PHF21A: variants seen among roughly 807,000 people sequenced by gnomAD.
PHF21A encodes BHC80a.
In PHF21A, 11 loss-of-function variants were observed where a neutral mutation model predicts 82.5. The observed-to-expected ratio is 0.13, with a 90% CI of 0.08 to 0.22. The LOEUF (loss-of-function observed/expected upper bound fraction) is 0.22. Among genes scored for constraint, PHF21A ranks in the 10% least tolerant of loss-of-function variants. The probability of loss-of-function intolerance (pLI) is 1.00; values close to 1 mark genes in which losing one functional copy is unlikely to be tolerated. For missense variants in PHF21A, 579 were observed against 837.8 expected, an observed-to-expected ratio of 0.69 and a Z score of 3.81; for synonymous variants, 297 against 302.8, an observed-to-expected ratio of 0.98 and a Z score of 0.20.
rs570513181 is a variant in PHF21A at position 46,060,454 on chromosome 11, T to C, written c.153+16300A>G. Among the ~76,000 whole-genome samples, 8 of 152,274 alleles carry C rather than the reference T, an allele frequency of 5.3e-5. No homozygotes were observed. In the South Asian group the frequency reaches 1.7e-3, roughly 32 times the overall value. ...CTTAGCACATACTCATATAAAATTA[T>C]GTTATATTATATAAAATAATATTTT... On this transcript the variant is annotated intron_variant, in intron 6 of 18. Coordinates refer to ENST00000676320, the MANE Select transcript of PHF21A (RefSeq NM_001352027.3).
chr11:46,046,495 A>C (rs1443674039), intron 6 of PHF21A, among the ~76,000 whole-genome samples: 1 of 152,190 alleles, frequency 6.6e-6, no homozygotes, highest in Non-Finnish European at 1.5e-5. Context: ...GCAAGAGAAA[A>C]GCCAGGATTT....
intron 6 of PHF21A, among the ~76,000 whole-genome samples, chr11:46,008,271 T>TCA (rs2095340624): frequency 1.3e-5 from 2 of 152,206 alleles, no homozygotes; most frequent in Non-Finnish European, 2.9e-5. Context: ...TGTGAGGTCT[T>TCA]CAATTGAAAT....
At chr11:45,958,185 T>G (rs1202557366) in intron 10 of PHF21A, among the ~76,000 whole-genome samples, 2 of 151,008 alleles carry the variant, frequency 1.3e-5, no homozygotes, top group African/African-American at 4.9e-5. Flanking sequence ...TACCAAACAT[T>G]TAAAGAATTA....
At chr11:45,965,874 C>T (rs1227683116) in intron 9 of PHF21A, among the ~76,000 whole-genome samples, 1 of 152,104 alleles carries the variant, frequency 6.6e-6, no homozygotes, top group African/African-American at 2.4e-5. Context: ...TAGCTGAGGT[C>T]AAAGGCCTAA....
Position 45,971,890 on chromosome 11 carries a change from C to CTTTCTTTTTTTTTTTT in PHF21A, c.361-524_361-523insAAAAAAAAAAAAGAAA, listed in dbSNP as rs57081937. Among the ~76,000 whole-genome samples the CTTTCTTTTTTTTTTTT allele has an allele frequency of 6.4e-4, 32 of 50,302 alleles. 12 individuals carry two copies. Among genetic ancestry groups the CTTTCTTTTTTTTTTTT allele is most frequent in the Non-Finnish European group, 1.0e-3 (27 of 25,834 alleles). The allele number at this position is 50,302 out of a possible 152,430, so 33.0% of individuals were successfully genotyped here. ...GTAAAAGGACAGTGTCTTTTTCTTTCTTTTTTTTTTTTTTTATGGTGTCAC... is the reference window on the plus strand; with the variant it reads ...GTAAAAGGACAGTGTCTTTTTCTTTCTTTCTTTTTTTTTTTTTTTTTTTTTTTTTTTATGGTGTCAC... On this transcript the variant is annotated intron_variant, in intron 7 of 18. Coordinates refer to ENST00000676320, the MANE Select transcript of PHF21A (RefSeq NM_001352027.3).
chr11:46,024,873 A>T (rs1199072234), intron 6 of PHF21A, among the ~76,000 whole-genome samples: 1 of 152,128 alleles, frequency 6.6e-6, no homozygotes, highest in African/African-American at 2.4e-5. Context: ...TGATCCCTTA[A>T]TTTCCCTTTT....
chr11:46,097,785 C>T, intron 1 of PHF21A, among the ~76,000 whole-genome samples: 1 of 152,048 alleles, frequency 6.6e-6, no homozygotes, highest in South Asian at 2.1e-4. Flanking sequence ...CACACACTGC[C>T]TCACATTTTA....
chr11:45,967,528 G>A (rs1446552705), intron 9 of PHF21A, among the ~76,000 whole-genome samples: 1 of 152,110 alleles, frequency 6.6e-6, no homozygotes, highest in Non-Finnish European at 1.5e-5. Flanking sequence ...AAGATACATT[G>A]GCTCCTGTGG....
chr11:46,067,687 C>T (rs2096610822), intron 6 of PHF21A, among the ~76,000 whole-genome samples: 1 of 151,938 alleles, frequency 6.6e-6, no homozygotes, highest in Non-Finnish European at 1.5e-5. Context: ...GCCACCTTAC[C>T]AGCTTTCTGA....
At chr11:46,051,706 G>A (rs565832553) in intron 6 of PHF21A, among the ~76,000 whole-genome samples, 3 of 152,146 alleles carry the variant, frequency 2.0e-5, no homozygotes, top group Non-Finnish European at 4.4e-5. Context: ...CAACTCAAGG[G>A]GGTGAGGACA....
At chr11:45,967,386 C>T (rs1404849946) in intron 9 of PHF21A, among the ~76,000 whole-genome samples, 1 of 151,512 alleles carries the variant, frequency 6.6e-6, no homozygotes, top group Non-Finnish European at 1.5e-5. Context: ...AAAAAAAAAT[C>T]CCTTATTGCT....
At chr11:45,993,030 C>A (rs1416887281) in intron 6 of PHF21A, among the ~76,000 whole-genome samples, 1 of 152,136 alleles carries the variant, frequency 6.6e-6, no homozygotes, top group African/African-American at 2.4e-5. Flanking sequence ...TTACAGTAAG[C>A]AAAATGTAAT....
chr11:46,041,713 C>T (rs762020114), intron 6 of PHF21A, among the ~76,000 whole-genome samples: 2 of 152,102 alleles, frequency 1.3e-5, no homozygotes, highest in Non-Finnish European at 2.9e-5. Context: ...AAATTTCAAA[C>T]ATACATAAAA....
chr11:46,075,870 A>G (rs1227590500), intron 6 of PHF21A, among the ~76,000 whole-genome samples: 1 of 152,252 alleles, frequency 6.6e-6, no homozygotes, highest in Admixed American at 6.5e-5. Context: ...ACATTAAGTA[A>G]CAACATAAAA....
chr11:46,056,266 A>G (rs1354165984), intron 6 of PHF21A, among the ~76,000 whole-genome samples: 1 of 152,116 alleles, frequency 6.6e-6, no homozygotes, highest in Non-Finnish European at 1.5e-5. Flanking sequence ...CAATAATTCC[A>G]ATCTTACCCC....
chr11:45,938,272 C>T lies in PHF21A; in HGVS notation c.1493G>A (p.Ser498Asn). 1.9e-6 allele frequency: 3 copies of T among 1,611,566 alleles called. No homozygotes were observed. Among genetic ancestry groups the T allele is most frequent in the Non-Finnish European group, 2.5e-6 (3 of 1,178,956 alleles). Residue 498 changes from serine (S) to asparagine (N), a missense_variant, in exon 16 of 19, where the codon AGT becomes AAT. Physicochemically the swap from Ser to Asn is conservative, Grantham distance 46. Transcript: ENST00000676320. ...TGTGTCGCACATCAGTAACTGGCCACTTTTTCTGCAAACGCTGCAAAAATC... is the reference window on the plus strand; with the variant it reads ...TGTGTCGCACATCAGTAACTGGCCATTTTTTCTGCAAACGCTGCAAAAATC... ...HEDFCSVCRK[S>N]GQLLMCDTCS...
intron 6 of PHF21A, among the ~76,000 whole-genome samples, chr11:45,999,634 G>A (rs1350768402): frequency 6.6e-6 from 1 of 152,204 alleles, no homozygotes; most frequent in Non-Finnish European, 1.5e-5. Context: ...ATATTTAATG[G>A]ATTAGTGGGT....
At position 45,948,764 on chromosome 11, in the gene PHF21A, C is replaced by A. The variant is rs531576161; in HGVS notation, c.1288+122G>T. The A allele has an allele frequency of 9.1e-6, 7 of 769,302 alleles. No individual in the cohort carries two copies. In the East Asian group the frequency reaches 1.7e-4, roughly 19 times the overall value. The allele number at this position is 769,302 out of a possible 1,614,324, so 47.7% of individuals were successfully genotyped here. A position where few individuals can be genotyped will look rare whatever the true frequency, so the allele number is the denominator to read the frequency against. On this transcript the variant is annotated intron_variant, in intron 14 of 18. Transcript: ENST00000676320. ...CTCTCCCATTCTCAGAGAACAACAA[C>A]AAAACTATTTTCAAAGGATAGAGGA...
intron 5 of PHF21A, among the ~76,000 whole-genome samples, chr11:46,078,363 A>G (rs2096752541): frequency 6.6e-6 from 1 of 152,186 alleles, no homozygotes; most frequent in South Asian, 2.1e-4. Flanking sequence ...CAACCCAGAT[A>G]TAGATATAGA....
Sources: allele counts gnomAD v4.1 joint callset (sites outside exome capture counted in the v4.1 genomes callset), GRCh38; gene constraint gnomAD v4.1.1; transcripts MANE v1.5; gene names NCBI Gene and HGNC (gene_info 2026-07-23, HGNC 2026-07-21).